COL25A1: variants seen among roughly 807,000 people sequenced by gnomAD.
COL25A1 encodes collagen type XXV alpha 1 chain, also known as collagen alpha-1(XXV) chain.
COL25A1 carries 103 observed loss-of-function variants against 128.4 expected under a neutral mutation model. The observed-to-expected ratio is 0.80, with a 90% CI of 0.68 to 0.94. COL25A1 has a LOEUF of 0.94. Among genes scored for constraint, COL25A1 ranks in the 40% least tolerant of loss-of-function variants. The pLI, the probability that COL25A1 is intolerant of heterozygous loss-of-function variation, is 0.00. For missense variants in COL25A1, 745 were observed against 840.0 expected (o/e 0.89, Z 1.40); for synonymous variants, 279 against 277.2 (o/e 1.01, Z -0.06).
intron 19 of COL25A1, 119 bp downstream of exon 19, chr4:108,884,059 G>C (rs1195707929): frequency 2.2e-6 from 2 of 910,962 alleles, no homozygotes; most frequent in African/African-American, 1.7e-5. Context: ...GAGATGGCTG[G>C]AGAGTACTTA....
At chr4:108,817,832 A>G (rs1731395762) in intron 36 of COL25A1, among the ~76,000 whole-genome samples, 1 of 152,174 alleles carries the variant, frequency 6.6e-6, no homozygotes, top group Non-Finnish European at 1.5e-5. Flanking sequence ...CTATTAGACT[A>G]TGGCTGAATT....
intron 5 of COL25A1, among the ~76,000 whole-genome samples, chr4:109,039,654 T>C (rs1759684410): frequency 6.6e-6 from 1 of 152,232 alleles, no homozygotes; most frequent in Non-Finnish European, 1.5e-5. Context: ...TTTCTTCCTC[T>C]CTAGATGATA....
chr4:109,284,105 C>T (rs1407496764), intron 3 of COL25A1, among the ~76,000 whole-genome samples: 1 of 152,218 alleles, frequency 6.6e-6, no homozygotes. Context: ...TGAAAACCTT[C>T]TTCCTTACAA....
chr4:109,014,393 A>G (rs1284123647), intron 5 of COL25A1, among the ~76,000 whole-genome samples: 1 of 150,666 alleles, frequency 6.6e-6, no homozygotes, highest in Non-Finnish European at 1.5e-5. Context: ...GTTAAAATGC[A>G]GGATTCTCTA....
In COL25A1 at chr4:108,973,022, C is replaced by G. The variant is rs570278021; in HGVS notation, c.492+1345G>C. On this transcript the variant is annotated intron_variant, in intron 8 of 37. Transcript: ENST00000399132. The stretch of plus-strand genomic sequence containing the variant: ...TAAGCTGTGAACCACCCTTCACTTC[C>G]TTTGCCAAAAGAAGATTTCTCAGAA... 4.4e-4 allele frequency among the ~76,000 whole-genome samples: 67 copies of G among 152,298 alleles called. 1 individual carries two copies. In the Middle Eastern group the frequency reaches 0.02, roughly 46 times the overall value.
At chr4:108,918,515 T>C (rs7683014) in intron 12 of COL25A1, among the ~76,000 whole-genome samples, 31,266 of 152,204 alleles carry the variant, frequency 0.21, 3,387 homozygotes, top group Non-Finnish European at 0.23. Flanking sequence ...TAAATTTTCA[T>C]GTTTTTAAGA....
At chr4:109,211,243 T>TAC (rs1777487277) in intron 3 of COL25A1, among the ~76,000 whole-genome samples, 2 of 126,198 alleles carry the variant, frequency 1.6e-5, no homozygotes, top group Admixed American at 1.6e-4. Context: ...TATGTATATA[T>TAC]ATGAAACAAT....
At chr4:108,819,151 T>C in intron 36 of COL25A1, 101 bp downstream of exon 36, 1 of 837,168 alleles carries the variant, frequency 1.2e-6, no homozygotes, top group Non-Finnish European at 1.9e-6. Flanking sequence ...GTGTTTATCA[T>C]GTAAAGCTTG....
At chr4:109,285,095 T>C (rs950900755) in intron 3 of COL25A1, among the ~76,000 whole-genome samples, 4 of 152,130 alleles carry the variant, frequency 2.6e-5, no homozygotes, top group Admixed American at 2.6e-4. Context: ...GAGAATCAGT[T>C]GCACAAATTT....
intron 5 of COL25A1, among the ~76,000 whole-genome samples, chr4:109,041,114 T>A (rs1560583834): frequency 6.6e-6 from 1 of 152,076 alleles, no homozygotes; most frequent in East Asian, 1.9e-4. Context: ...ACCAGAATTG[T>A]GCCTAGTTGA....
In COL25A1 at chr4:108,920,634, A is replaced by T. The variant is rs370267597; in HGVS notation, c.709-30T>A. 3.4e-5 allele frequency: 53 copies of T among 1,580,996 alleles called. No individual in the cohort carries two copies. In the African/African-American group the frequency reaches 5.8e-4, roughly 17 times the overall value. ...AAAAGAAAAACGATTCAATTAACAT[A>T]CTATTGTAGCCATTTAAGCTTAGAT... On this transcript the variant is annotated intron_variant, in intron 11 of 37. Transcript: ENST00000399132.
chr4:108,838,234 A>G lies in COL25A1; in HGVS notation c.1656+3461T>C, dbSNP rs1734031652. On this transcript the variant is annotated intron_variant, in intron 31 of 37. Transcript: ENST00000399132. ...TGCTATTATGGGTGTTTAAACTGTGAGAGAAGAGAGCCAGTCTCTGAAATA... is the reference window on the plus strand; with the variant it reads ...TGCTATTATGGGTGTTTAAACTGTGGGAGAAGAGAGCCAGTCTCTGAAATA... 5.0e-6 allele frequency: 6 copies of G among 1,195,488 alleles called. No homozygotes were observed. The South Asian group carries it at 5.2e-5, about 10-fold the overall frequency. 74.1% of individuals were successfully genotyped at this position (1,195,488 alleles called of 1,614,324 possible). A position where few individuals can be genotyped will look rare whatever the true frequency, so the allele number is the denominator to read the frequency against.
At chr4:109,103,524 G>A (rs72885190) in intron 3 of COL25A1, among the ~76,000 whole-genome samples, 2,287 of 152,118 alleles carry the variant, frequency 0.015, 53 homozygotes, top group African/African-American at 0.053. Flanking sequence ...TTTTTTATTT[G>A]CCCATATAAC....
intron 3 of COL25A1, among the ~76,000 whole-genome samples, chr4:109,067,115 A>G (rs1440663974): frequency 6.6e-6 from 1 of 152,212 alleles, no homozygotes; most frequent in East Asian, 1.9e-4. Context: ...GCTTTCACAT[A>G]GGAAGATAGC....
At chr4:108,952,287 T>C (rs534133536) in intron 8 of COL25A1, among the ~76,000 whole-genome samples, 8 of 152,250 alleles carry the variant, frequency 5.3e-5, no homozygotes, top group Admixed American at 2.6e-4. Flanking sequence ...TAAGCACATT[T>C]ATAATTAGAA....
chr4:108,867,297 C>T (rs1318932256), intron 20 of COL25A1, among the ~76,000 whole-genome samples: 1 of 152,218 alleles, frequency 6.6e-6, no homozygotes, highest in Non-Finnish European at 1.5e-5. Context: ...TCATGCCCAT[C>T]TGCGAGGCTG....
rs563494638 is a variant in COL25A1, at chr4:108,819,405, T to A, written c.1846-76A>T. Reference sequence around the variant, plus strand: ...GCACAAATTCTGCGAAAGAAGTAACTACAACAACAAAGGCTGGGAGAGGAG... The same window carrying A: ...GCACAAATTCTGCGAAAGAAGTAACAACAACAACAAAGGCTGGGAGAGGAG... On this transcript the variant is annotated intron_variant, in intron 35 of 37. Coordinates refer to ENST00000399132, the MANE Select transcript of COL25A1 (RefSeq NM_198721.4). 71 of 1,216,506 alleles carry A rather than the reference T, an allele frequency of 5.8e-5. No individual in the cohort carries two copies. In the African/African-American group the frequency reaches 9.5e-4, roughly 16 times the overall value. The allele number at this position is 1,216,506 out of a possible 1,614,324, so 75.4% of individuals were successfully genotyped here. A position where few individuals can be genotyped will look rare whatever the true frequency, so the allele number is the denominator to read the frequency against.
chr4:109,252,478 CA>C (rs1272860497), intron 3 of COL25A1, among the ~76,000 whole-genome samples: 1 of 152,082 alleles, frequency 6.6e-6, no homozygotes, highest in Non-Finnish European at 1.5e-5. Flanking sequence ...CTGGTATCCG[CA>C]AAAAATGTCA....
intron 3 of COL25A1, among the ~76,000 whole-genome samples, chr4:109,089,113 T>C (rs958294989): frequency 2.6e-5 from 4 of 151,718 alleles, no homozygotes; most frequent in Admixed American, 6.6e-5. Context: ...TTGGAAAGAG[T>C]AGTTCAAGGA....
Sources: allele counts gnomAD v4.1 joint callset (sites outside exome capture counted in the v4.1 genomes callset), GRCh38; gene constraint gnomAD v4.1.1; transcripts MANE v1.5; gene names NCBI Gene and HGNC (gene_info 2026-07-23, HGNC 2026-07-21).